Variants in SLC6A7 observed in about 807,000 individuals in gnomAD.
SLC6A7 encodes sodium-dependent proline transporter.
In SLC6A7, 58 loss-of-function variants were observed where a neutral mutation model predicts 73.1. The ratio of observed to expected loss-of-function variants is 0.79; its 90% confidence interval spans 0.64 to 0.99. SLC6A7 has a LOEUF of 0.99. Among genes scored for constraint, SLC6A7 ranks in the 50% least tolerant of loss-of-function variants. The probability of loss-of-function intolerance (pLI) is 0.00; values close to 1 mark genes in which losing one functional copy is unlikely to be tolerated. For synonymous variants in SLC6A7, 338 were observed against 338.7 expected (o/e 1.00, Z 0.02); for missense variants, 783 against 831.4 (o/e 0.94, Z 0.72).
chr5:150,198,287 C>A (rs1244149404), intron 4 of SLC6A7, among the ~76,000 whole-genome samples: 6 of 151,670 alleles, frequency 4.0e-5, no homozygotes, highest in Non-Finnish European at 8.8e-5. Flanking sequence ...CCAGAGAACA[C>A]AGACCCTATA....
At chr5:150,204,224 T>G (rs1753560968) in intron 10 of SLC6A7, among the ~76,000 whole-genome samples, 186 bp downstream of exon 10, 2 of 152,118 alleles carry the variant, frequency 1.3e-5, no homozygotes, top group African/African-American at 2.4e-5. Context: ...GTCCTGGCTG[T>G]GGAGATTTAG....
intron 4 of SLC6A7, among the ~76,000 whole-genome samples, chr5:150,198,873 A>C (rs1200470501): frequency 6.9e-6 from 1 of 145,010 alleles, no homozygotes; most frequent in Non-Finnish European, 1.5e-5. Flanking sequence ...TGGTGTACAC[A>C]TGTATATGCA....
At chr5:150,190,889 C>A (rs1334609611) in intron 1 of SLC6A7, among the ~76,000 whole-genome samples, 1 of 152,208 alleles carries the variant, frequency 6.6e-6, no homozygotes, top group Non-Finnish European at 1.5e-5. Context: ...CAGGCTGCCC[C>A]TCAGCAGGGC....
intron 13 of SLC6A7, among the ~76,000 whole-genome samples, chr5:150,209,123 C>G (rs893835289): frequency 6.6e-6 from 1 of 152,256 alleles, no homozygotes; most frequent in Non-Finnish European, 1.5e-5. Context: ...AACCCTGTGA[C>G]AGGACTGGGA....
At chr5:150,208,909 C>T (rs1441504575) in intron 13 of SLC6A7, among the ~76,000 whole-genome samples, 1 of 152,166 alleles carries the variant, frequency 6.6e-6, no homozygotes, top group East Asian at 1.9e-4. Context: ...CAGCTGCAAG[C>T]CCACCGCAGT....
At position 150,209,932 on chromosome 5, in the gene SLC6A7, T is replaced by G. The variant is rs1753891376; in HGVS notation, c.*317T>G. On this transcript the variant is annotated 3_prime_UTR_variant, in exon 14 of 14. Coordinates refer to ENST00000230671, the MANE Select transcript of SLC6A7 (RefSeq NM_014228.5). Reference sequence around the variant, plus strand: ...CCCAGGTCGCATGGCAGAGGGGACTTGAACCCACGCCTCCTGACCAGCCAG... The same window carrying G: ...CCCAGGTCGCATGGCAGAGGGGACTGGAACCCACGCCTCCTGACCAGCCAG... The G allele has an allele frequency of 1.3e-5, 5 of 380,014 alleles. No individual in the cohort carries two copies. In the Admixed American group the frequency reaches 1.5e-4, roughly 12 times the overall value. The allele number at this position is 380,014 out of a possible 1,614,324, so 23.5% of individuals were successfully genotyped here.
intron 1 of SLC6A7, among the ~76,000 whole-genome samples, chr5:150,190,932 G>A (rs545887186): frequency 4.0e-4 from 61 of 152,192 alleles, no homozygotes; most frequent in Non-Finnish European, 5.6e-4. Flanking sequence ...GGGGGCTATC[G>A]GAGGCAGGAG....
chr5:150,199,104 A>G (rs1359711130), intron 4 of SLC6A7, 124 bp from the exon 5 acceptor site: 2 of 1,297,678 alleles, frequency 1.5e-6, no homozygotes, highest in Non-Finnish European at 2.0e-6. Context: ...AAGGATGGAG[A>G]GGGATCAAGA....
intron 4 of SLC6A7, among the ~76,000 whole-genome samples, chr5:150,198,811 G>GGGGT (rs1554115777): frequency 1.8e-5 from 2 of 112,026 alleles, no homozygotes; most frequent in East Asian, 5.5e-4. Flanking sequence ...GGCCCTGGAT[G>GGGGT]GTGTGTGTGT....
At chr5:150,206,272 T>TG (rs1753694860) in intron 13 of SLC6A7, among the ~76,000 whole-genome samples, 3 of 152,168 alleles carry the variant, frequency 2.0e-5, no homozygotes, top group Admixed American at 1.3e-4. Context: ...TCATCATGAA[T>TG]GCAGCTTTAG....
At chr5:150,193,598 G>T (rs1349550609) in intron 1 of SLC6A7, among the ~76,000 whole-genome samples, 1 of 152,050 alleles carries the variant, frequency 6.6e-6, no homozygotes, top group African/African-American at 2.4e-5. Flanking sequence ...TTGGTTCTTA[G>T]TAGGCCCCAT....
intron 1 of SLC6A7, among the ~76,000 whole-genome samples, chr5:150,192,111 G>GA (rs1718955872): frequency 6.6e-6 from 1 of 151,864 alleles, no homozygotes; most frequent in African/African-American, 2.4e-5. Context: ...GCGGGAATGA[G>GA]AAAATGCCAG....
intron 10 of SLC6A7, 26 bp downstream of exon 10, chr5:150,204,064 C>A: frequency 1.9e-6 from 3 of 1,606,088 alleles, no homozygotes; most frequent in Non-Finnish European, 2.6e-6. Context: ...GGGAGGATGG[C>A]AGGTGGGCGG....
chr5:150,199,449 G>T, intron 5 of SLC6A7, 83 bp downstream of exon 5: 3 of 948,686 alleles, frequency 3.2e-6, no homozygotes, highest in South Asian at 1.6e-5. Flanking sequence ...GACTGAGCAT[G>T]AGAAGATGAA....
At chr5:150,196,664 C>G (rs1753034848) in intron 2 of SLC6A7, 52 bp from the exon 3 acceptor site, 9 of 1,579,368 alleles carry the variant, frequency 5.7e-6, no homozygotes, top group Non-Finnish European at 6.9e-6. Context: ...TAGAGCTGGG[C>G]TTTTGGGGGA....
intron 1 of SLC6A7, among the ~76,000 whole-genome samples, chr5:150,193,417 C>T (rs756712310): frequency 6.6e-6 from 1 of 152,238 alleles, no homozygotes; most frequent in East Asian, 1.9e-4. Flanking sequence ...CTTCTTCCTG[C>T]TCATGAGCCA....
Position 150,203,654 on chromosome 5 carries a change from GC to G in SLC6A7, c.1088-9del. 2 of 1,451,880 alleles carry G rather than the reference GC, an allele frequency of 1.4e-6. No homozygotes were observed. The highest frequency in any genetic ancestry group is 1.9e-6 in the Non-Finnish European group (2 of 1,032,144). 89.9% of individuals were successfully genotyped at this position (1,451,880 alleles called of 1,614,324 possible). A position where few individuals can be genotyped will look rare whatever the true frequency, so the allele number is the denominator to read the frequency against. On this transcript the variant is annotated splice_polypyrimidine_tract_variant and intron_variant, in intron 8 of 13. Transcript: ENST00000230671. Reference sequence around the variant, plus strand: ...ATGACCCAAGCTGCTGACCCCGTGTGCCCCTGGCCCAGGCCCTGGCCTGGCC... The same window carrying G: ...ATGACCCAAGCTGCTGACCCCGTGTGCCCTGGCCCAGGCCCTGGCCTGGCC...
intron 3 of SLC6A7, 32 bp downstream of exon 3, chr5:150,196,879 G>A: frequency 6.2e-7 from 1 of 1,606,062 alleles, no homozygotes; most frequent in South Asian, 1.1e-5. Context: ...GGGAGGGAAG[G>A]GCTCAGGGTC....
At chr5:150,191,479 G>A (rs891731215) in intron 1 of SLC6A7, among the ~76,000 whole-genome samples, 1 of 149,396 alleles carries the variant, frequency 6.7e-6, no homozygotes, top group African/African-American at 2.5e-5. Flanking sequence ...CACCCAGGTT[G>A]GAGTGCAGTG....
Sources: allele counts gnomAD v4.1 joint callset (sites outside exome capture counted in the v4.1 genomes callset), GRCh38; gene constraint gnomAD v4.1.1; transcripts MANE v1.5; gene names NCBI Gene and HGNC (gene_info 2026-07-23, HGNC 2026-07-21).